SLC35F2: variants seen among roughly 807,000 people sequenced by gnomAD.
The protein encoded by SLC35F2 is queuine/queuosine transporter SLC35F2.
Under a neutral mutation model 38.1 loss-of-function variants are expected in SLC35F2, and 25 were observed. That is an observed-to-expected ratio of 0.66 (90% CI 0.48 to 0.92). The LOEUF (loss-of-function observed/expected upper bound fraction) is 0.92. Ranked by LOEUF, SLC35F2 falls within the 40% of genes least tolerant of loss-of-function variation. SLC35F2 has a pLI of 0.00. For missense variants in SLC35F2, 409 were observed against 452.9 expected, an observed-to-expected ratio of 0.90 and a Z score of 0.88; for synonymous variants, 173 against 181.7, an observed-to-expected ratio of 0.95 and a Z score of 0.38.
chr11:107,799,344 A>C (rs1436036028), intron 7 of SLC35F2, among the ~76,000 whole-genome samples: 1 of 152,208 alleles, frequency 6.6e-6, no homozygotes, highest in Admixed American at 6.5e-5. Flanking sequence ...CCAAAAAATG[A>C]CATAAGAAAG....
At chr11:107,792,826 T>C (rs757861018) in intron 7 of SLC35F2, 26 bp from the exon 8 acceptor site, 2 of 1,536,110 alleles carry the variant, frequency 1.3e-6, no homozygotes, top group Non-Finnish European at 1.8e-6. Flanking sequence ...AGGCAGTGAA[T>C]TGTGCCCCTC....
intron 7 of SLC35F2, among the ~76,000 whole-genome samples, chr11:107,800,011 C>A (rs968649354): frequency 6.6e-6 from 1 of 151,656 alleles, no homozygotes; most frequent in Non-Finnish European, 1.5e-5. Context: ...GCCTCAGCCT[C>A]CTGAGCAGCT....
chr11:107,794,270 G>A (rs566804), intron 7 of SLC35F2, among the ~76,000 whole-genome samples: 57,369 of 151,562 alleles, frequency 0.38, 11,604 homozygotes, highest in Non-Finnish European at 0.46. Flanking sequence ...TGGTAGAGAC[G>A]GGGTTTCACC....
intron 7 of SLC35F2, among the ~76,000 whole-genome samples, chr11:107,796,961 C>T (rs1859227757): frequency 6.6e-6 from 1 of 152,134 alleles, no homozygotes; most frequent in Admixed American, 6.6e-5. Context: ...GCGTGAGCCA[C>T]CATGCCCAGC....
chr11:107,799,669 C>A lies in SLC35F2; in HGVS notation c.939+3332G>T, dbSNP rs1565427075. Among the ~76,000 whole-genome samples the A allele has an allele frequency of 2.0e-5, 3 of 152,244 alleles. No homozygotes were observed. In the South Asian group the frequency reaches 6.2e-4, roughly 32 times the overall value. Reference sequence around the variant, plus strand: ...GCAATGGCATGATCTCGGCTCACTGCAACCTCCACCTCCCGGGTTCAAGTA... The same window carrying A: ...GCAATGGCATGATCTCGGCTCACTGAAACCTCCACCTCCCGGGTTCAAGTA... On this transcript the variant is annotated intron_variant, in intron 7 of 7. Transcript: ENST00000525815.
intron 2 of SLC35F2, among the ~76,000 whole-genome samples, chr11:107,812,759 G>A (rs187077753): frequency 3.9e-5 from 6 of 152,048 alleles, no homozygotes; most frequent in Admixed American, 2.0e-4. Flanking sequence ...CTTGTATGTC[G>A]CCACTTCTGA....
At chr11:107,810,508 T>A (rs575032783) in intron 3 of SLC35F2, 1 of 985,160 alleles carries the variant, frequency 1.0e-6, no homozygotes, top group South Asian at 4.7e-5. Flanking sequence ...TATGTATACT[T>A]CATTAACCAA....
At chr11:107,806,194 T>C (rs764134024) in intron 4 of SLC35F2, among the ~76,000 whole-genome samples, 24 of 152,222 alleles carry the variant, frequency 1.6e-4, no homozygotes, top group Non-Finnish European at 2.8e-4. Flanking sequence ...ACTGATGATA[T>C]ATATCATAAT....
intron 1 of SLC35F2, among the ~76,000 whole-genome samples, chr11:107,852,175 T>C (rs1860197795): frequency 6.6e-6 from 1 of 151,962 alleles, no homozygotes; most frequent in African/African-American, 2.4e-5. Flanking sequence ...CCCAGCACTT[T>C]GGGAGGCCAA....
intron 1 of SLC35F2, among the ~76,000 whole-genome samples, chr11:107,843,537 C>A (rs1047670801): frequency 2.8e-5 from 4 of 143,578 alleles, no homozygotes; most frequent in African/African-American, 1.0e-4. Flanking sequence ...GCAACAAAAG[C>A]GAAACTTTGT....
chr11:107,848,221 C>G (rs763054963), intron 1 of SLC35F2, among the ~76,000 whole-genome samples: 41 of 151,268 alleles, frequency 2.7e-4, no homozygotes, highest in Admixed American at 9.2e-4. Context: ...TATTTTACCA[C>G]AATAAAAAAG....
intron 1 of SLC35F2, among the ~76,000 whole-genome samples, chr11:107,841,573 A>G (rs1339898167): frequency 6.6e-6 from 1 of 151,734 alleles, no homozygotes; most frequent in Non-Finnish European, 1.5e-5. Flanking sequence ...AAAAAAAAAA[A>G]AAAAAGTACA....
intron 2 of SLC35F2, among the ~76,000 whole-genome samples, chr11:107,814,181 TAAA>T (rs2134790058): frequency 6.6e-6 from 1 of 152,168 alleles, no homozygotes; most frequent in South Asian, 2.1e-4. Context: ...ACTAAAGTTT[TAAA>T]AAATAATGAA....
At chr11:107,848,074 T>G (rs1443688484) in intron 1 of SLC35F2, among the ~76,000 whole-genome samples, 1 of 152,138 alleles carries the variant, frequency 6.6e-6, no homozygotes, top group Admixed American at 6.5e-5. Context: ...AGTTATTATT[T>G]GAAATGTGCA....
chr11:107,806,908 A>T, intron 3 of SLC35F2, 32 bp from the exon 4 acceptor site: 1 of 1,598,280 alleles, frequency 6.3e-7, no homozygotes, highest in East Asian at 2.2e-5. Context: ...AGTTTAAAAC[A>T]TATCTCTCAT....
Position 107,791,251 on chromosome 11 carries a change from T to C in SLC35F2, c.*1364A>G, listed in dbSNP as rs1859126087. 6.6e-6 allele frequency: 1 copy of C among 152,504 alleles called. No homozygotes were observed. Among genetic ancestry groups the C allele is most frequent in the African/African-American group, 2.4e-5 (1 of 41,470 alleles). The allele number at this position is 152,504 out of a possible 1,614,324, so 9.4% of individuals were successfully genotyped here. On this transcript the variant is annotated 3_prime_UTR_variant, in exon 8 of 8. Coordinates refer to ENST00000525815, the MANE Select transcript of SLC35F2 (RefSeq NM_017515.5). ...CCCAGGCATACTCTTTGGTGAGAAA[T>C]GATTAATTTTATATTTTCATTTTGA...
At chr11:107,830,461 G>T (rs1859821421) in intron 1 of SLC35F2, among the ~76,000 whole-genome samples, 1 of 151,722 alleles carries the variant, frequency 6.6e-6, no homozygotes, top group Non-Finnish European at 1.5e-5. Flanking sequence ...GTGGATGCCT[G>T]TAGTCCCAGC....
rs1411329283 is a variant in SLC35F2, at chr11:107,792,538, A to G, written c.*77T>C. 5 of 1,485,684 alleles carry G rather than the reference A, an allele frequency of 3.4e-6. No homozygotes were observed. The African/African-American group carries it at 5.6e-5, about 17-fold the overall frequency. The allele number at this position is 1,485,684 out of a possible 1,614,324, so 92.0% of individuals were successfully genotyped here. ...GTAGAGTGTCCATTCTGAGTCTGCT[A>G]TTTCCCCAAGTGTCCCCTCAGCAGG... On this transcript the variant is annotated 3_prime_UTR_variant, in exon 8 of 8. Transcript: ENST00000525815.
intron 1 of SLC35F2, among the ~76,000 whole-genome samples, chr11:107,841,041 TCTC>T (rs1406069754): frequency 6.6e-6 from 1 of 152,058 alleles, no homozygotes; most frequent in African/African-American, 2.4e-5. Flanking sequence ...AGCTTCAACT[TCTC>T]CTAATTTAAT....
Sources: allele counts gnomAD v4.1 joint callset (sites outside exome capture counted in the v4.1 genomes callset), GRCh38; gene constraint gnomAD v4.1.1; transcripts MANE v1.5; gene names NCBI Gene and HGNC (gene_info 2026-07-23, HGNC 2026-07-21).